Variants in SLC30A8 observed in about 807,000 individuals in gnomAD.
SLC30A8 encodes the protein solute carrier family 30 member 8.
In SLC30A8, 27 loss-of-function variants were observed where a neutral mutation model predicts 36.9. That is an observed-to-expected ratio of 0.73 (90% CI 0.54 to 1.01). The LOEUF (loss-of-function observed/expected upper bound fraction) is 1.01. Among genes scored for constraint, SLC30A8 ranks in the 50% least tolerant of loss-of-function variants. The pLI is 0.00. For synonymous variants in SLC30A8, 164 were observed against 172.4 expected, an observed-to-expected ratio of 0.95 and a Z score of 0.38; for missense variants, 439 against 452.0, an observed-to-expected ratio of 0.97 and a Z score of 0.26.
chr8:117,151,324 C>T (rs930224967), intron 2 of SLC30A8, among the ~76,000 whole-genome samples: 2 of 152,148 alleles, frequency 1.3e-5, no homozygotes, highest in African/African-American at 4.8e-5. Context: ...TCTTTGTATA[C>T]CCAATCCCTG....
intron 1 of SLC30A8, among the ~76,000 whole-genome samples, chr8:116,981,019 C>T (rs949203344): frequency 3.3e-5 from 5 of 152,250 alleles, no homozygotes; most frequent in Non-Finnish European, 5.9e-5. Flanking sequence ...TCACCAACAC[C>T]GAGGGTCACA....
intron 3 of SLC30A8, among the ~76,000 whole-genome samples, chr8:117,157,137 G>A (rs1267963810): frequency 1.3e-5 from 2 of 152,190 alleles, no homozygotes; most frequent in South Asian, 4.1e-4. Context: ...TTAAAATGCA[G>A]TCAGAGTGTT....
chr8:117,119,365 C>T (rs2130896722), intron 2 of SLC30A8, among the ~76,000 whole-genome samples: 1 of 151,996 alleles, frequency 6.6e-6, no homozygotes, highest in South Asian at 2.1e-4. Context: ...CCCCCATCTT[C>T]ATAATTTAGA....
At chr8:117,167,044 T>C (rs1026212331) in intron 6 of SLC30A8, among the ~76,000 whole-genome samples, 2 of 152,180 alleles carry the variant, frequency 1.3e-5, no homozygotes, top group Non-Finnish European at 2.9e-5. Flanking sequence ...ATCCATTTTC[T>C]TTCCTGAGTG....
intron 2 of SLC30A8, among the ~76,000 whole-genome samples, chr8:117,096,267 A>G (rs1054813662): frequency 3.3e-5 from 5 of 152,200 alleles, no homozygotes; most frequent in African/African-American, 7.2e-5. Context: ...TCATCCATGT[A>G]TGTGGTAAAC....
intron 1 of SLC30A8, among the ~76,000 whole-genome samples, chr8:116,998,865 C>T (rs920899453): frequency 7.2e-5 from 11 of 152,218 alleles, no homozygotes; most frequent in African/African-American, 1.9e-4. Flanking sequence ...TATGGCCTTG[C>T]TGACACCTTG....
chr8:117,027,106 G>A (rs1816899918), intron 1 of SLC30A8, among the ~76,000 whole-genome samples: 1 of 152,186 alleles, frequency 6.6e-6, no homozygotes, highest in South Asian at 2.1e-4. Flanking sequence ...GGTCTTGCAG[G>A]AGGTATACTG....
At chr8:117,011,823 C>T (rs544816447) in intron 1 of SLC30A8, among the ~76,000 whole-genome samples, 2 of 152,278 alleles carry the variant, frequency 1.3e-5, no homozygotes, top group South Asian at 2.1e-4. Context: ...AGCAGGACTA[C>T]TACGTGAGAA....
At chr8:116,985,330 A>G (rs1815407597) in intron 1 of SLC30A8, among the ~76,000 whole-genome samples, 1 of 142,882 alleles carries the variant, frequency 7.0e-6, no homozygotes, top group African/African-American at 2.6e-5. Flanking sequence ...ACACACACAC[A>G]CACAAGTATG....
At chr8:117,110,480 C>T (rs1820178992) in intron 2 of SLC30A8, among the ~76,000 whole-genome samples, 1 of 152,178 alleles carries the variant, frequency 6.6e-6, no homozygotes, top group Admixed American at 6.5e-5. Context: ...AAGATGTCCT[C>T]TCAGGGGCGG....
At chr8:117,148,730 C>T (rs1376195866) in intron 2 of SLC30A8, among the ~76,000 whole-genome samples, 1 of 152,094 alleles carries the variant, frequency 6.6e-6, no homozygotes, top group East Asian at 1.9e-4. Flanking sequence ...TGGTGTTCAT[C>T]TTAATACATG....
chr8:117,110,663 G>A (rs569857750), intron 2 of SLC30A8, among the ~76,000 whole-genome samples: 6 of 152,334 alleles, frequency 3.9e-5, no homozygotes, highest in South Asian at 2.1e-4. Flanking sequence ...AGAAGGGTCC[G>A]TCCTCTGCAG....
intron 1 of SLC30A8, among the ~76,000 whole-genome samples, chr8:116,994,202 T>A (rs1186945745): frequency 1.3e-5 from 2 of 152,036 alleles, no homozygotes; most frequent in Admixed American, 6.6e-5. Context: ...CCTCTGTGAT[T>A]TGTGGGAATG....
chr8:117,000,327 G>C (rs1011733891), intron 1 of SLC30A8, among the ~76,000 whole-genome samples: 4 of 152,174 alleles, frequency 2.6e-5, no homozygotes, highest in African/African-American at 9.7e-5. Context: ...CTTGTGTGAA[G>C]ATTTTTAGTC....
chr8:117,077,449 G>A (rs937169988), intron 2 of SLC30A8, among the ~76,000 whole-genome samples: 2 of 152,112 alleles, frequency 1.3e-5, no homozygotes, highest in African/African-American at 4.8e-5. Context: ...TGATGTCTGT[G>A]CTATTGGCAT....
intron 1 of SLC30A8, among the ~76,000 whole-genome samples, chr8:116,989,550 T>G (rs1815560439): frequency 6.6e-6 from 1 of 152,192 alleles, no homozygotes; most frequent in Non-Finnish European, 1.5e-5. Flanking sequence ...ATAATTATTA[T>G]TGTTTATTAT....
At chr8:117,072,867 A>AT (rs767398173) in intron 2 of SLC30A8, among the ~76,000 whole-genome samples, 9 of 140,322 alleles carry the variant, frequency 6.4e-5, no homozygotes, top group East Asian at 2.1e-4. Context: ...AATACAGGGG[A>AT]TTTTTTGTCC....
chr8:117,122,176 C>A (rs1223886663), intron 2 of SLC30A8, among the ~76,000 whole-genome samples: 1 of 151,732 alleles, frequency 6.6e-6, no homozygotes, highest in Non-Finnish European at 1.5e-5. Context: ...TTTGTAAGGC[C>A]TATAGACTTA....
chr8:117,011,571 G>A (rs1031277104), intron 1 of SLC30A8, among the ~76,000 whole-genome samples: 2 of 152,270 alleles, frequency 1.3e-5, no homozygotes, highest in African/African-American at 4.8e-5. Flanking sequence ...CCAGCCTCAA[G>A]GCTCTAGACT....
Sources: gnomAD v4.1 joint callset for allele counts (sites outside exome capture counted in the v4.1 genomes callset) on GRCh38, gnomAD v4.1.1 for gene constraint, MANE v1.5 for transcripts, NCBI Gene and HGNC (gene_info 2026-07-23, HGNC 2026-07-21) for gene names.